CAPN3: variants seen among roughly 807,000 people sequenced by gnomAD.
CAPN3 encodes the protein calpain-3.
CAPN3 carries 88 observed loss-of-function variants against 114.0 expected under a neutral mutation model. The ratio of observed to expected loss-of-function variants is 0.77; its 90% CI spans 0.65 to 0.92. CAPN3 has a LOEUF of 0.92. Ranked by LOEUF, CAPN3 falls within the 40% of genes least tolerant of loss-of-function variation. The pLI, the probability that CAPN3 is intolerant of heterozygous loss-of-function variation, is 0.00. For missense variants in CAPN3, 1,028 were observed against 1,069.0 expected, an observed-to-expected ratio of 0.96 and a Z score of 0.53; for synonymous variants, 386 against 382.9, an observed-to-expected ratio of 1.01 and a Z score of -0.09.
intron 17 of CAPN3, 100 bp downstream of exon 17, chr15:42,409,480 C>T: frequency 8.3e-7 from 1 of 1,210,586 alleles, no homozygotes; most frequent in Non-Finnish European, 1.2e-6. Context: ...GTAGAGGTCA[C>T]TTTGGACTTT....
At chr15:42,408,082 T>C in intron 15 of CAPN3, 129 bp from the exon 16 acceptor site, 1 of 676,882 alleles carries the variant, frequency 1.5e-6, no homozygotes, top group Non-Finnish European at 2.7e-6. Flanking sequence ...TGAACCGAGG[T>C]TGAAGAGCTC....
At chr15:42,387,313 T>C (rs557945060) in intron 3 of CAPN3, among the ~76,000 whole-genome samples, 3 of 152,230 alleles carry the variant, frequency 2.0e-5, no homozygotes, top group Non-Finnish European at 4.4e-5. Context: ...TCAATCCTTG[T>C]TCTTCAGTTT....
At chr15:42,392,605 G>T in intron 6 of CAPN3, 34 bp from the exon 7 acceptor site, 1 of 1,541,956 alleles carries the variant, frequency 6.5e-7, no homozygotes, top group Non-Finnish European at 9.0e-7. Flanking sequence ...CTGTTCCCCC[G>T]CCCCTAATGG....
chr15:42,409,650 A>G (rs1276578603), intron 17 of CAPN3, 137 bp from the exon 18 acceptor site: 1 of 912,730 alleles, frequency 1.1e-6, no homozygotes, highest in African/African-American at 1.6e-5. Context: ...TTCCTCAGAA[A>G]AGCCCCAGCT....
chr15:42,371,542 T>A (rs1233689236), intron 1 of CAPN3, among the ~76,000 whole-genome samples: 1 of 152,250 alleles, frequency 6.6e-6, no homozygotes, highest in Non-Finnish European at 1.5e-5. Context: ...CTGATTTTTC[T>A]ACTGAGTTGT....
intron 1 of CAPN3, chr15:42,374,287 A>G (rs906946578): frequency 6.6e-6 from 1 of 152,534 alleles, no homozygotes; most frequent in African/African-American, 2.4e-5. Context: ...AGCATTCGCC[A>G]TGCCCTACCT....
At chr15:42,406,017 G>A in intron 15 of CAPN3, 74 bp downstream of exon 15, 1 of 1,307,120 alleles carries the variant, frequency 7.7e-7, no homozygotes, top group Non-Finnish European at 1.1e-6. Context: ...AAGTGTGCAT[G>A]TGTGAGCTCA....
intron 14 of CAPN3, chr15:42,404,429 T>G (rs1396958846): frequency 2.2e-6 from 1 of 456,464 alleles, no homozygotes; most frequent in Admixed American, 2.3e-5. Context: ...GATGGGGTTA[T>G]AATCCCTGGT....
chr15:42,393,365 G>A (rs767081512), intron 7 of CAPN3, among the ~76,000 whole-genome samples: 28 of 152,172 alleles, frequency 1.8e-4, no homozygotes, highest in Middle Eastern at 3.4e-3. Context: ...CCATGGATAC[G>A]AGAGGCTGAC....
intron 22 of CAPN3, 32 bp downstream of exon 22, chr15:42,411,032 T>C: frequency 6.7e-7 from 1 of 1,492,480 alleles, no homozygotes; most frequent in South Asian, 1.1e-5. Flanking sequence ...CCCTCTGCTC[T>C]CTTGCAGGGG....
chr15:42,377,884 G>C (rs1264097082), intron 1 of CAPN3, among the ~76,000 whole-genome samples: 1 of 152,174 alleles, frequency 6.6e-6, no homozygotes, highest in Non-Finnish European at 1.5e-5. Context: ...ATCCTCGAAT[G>C]AATTTTGGTA....
chr15:42,377,850 G>C (rs937572356), intron 1 of CAPN3, among the ~76,000 whole-genome samples: 3 of 152,088 alleles, frequency 2.0e-5, no homozygotes, highest in African/African-American at 7.2e-5. Flanking sequence ...TTCTTGATAG[G>C]TATAGTGCTA....
At chr15:42,384,231 G>A (rs1045708958) in intron 1 of CAPN3, among the ~76,000 whole-genome samples, 1 of 152,064 alleles carries the variant, frequency 6.6e-6, no homozygotes, top group East Asian at 1.9e-4. Flanking sequence ...GGCCAACATG[G>A]TGAAACCGTA....
chr15:42,403,216 A>G (rs2053925421), intron 13 of CAPN3, among the ~76,000 whole-genome samples: 1 of 152,230 alleles, frequency 6.6e-6, no homozygotes, highest in Non-Finnish European at 1.5e-5. Context: ...CACTAAGGAT[A>G]GAGTAGTGAA....
chr15:42,411,736 ACTT>A lies in CAPN3; in HGVS notation c.2440-7_2440-5del. On this transcript the variant is annotated splice_region_variant and splice_polypyrimidine_tract_variant and intron_variant, in intron 23 of 23. Coordinates refer to ENST00000397163, the MANE Select transcript of CAPN3 (RefSeq NM_000070.3). ...TTCTGATCTACATTCTGATCTTGGG[ACTT>A]CTTTCAGTGGCTGCAGCTCACCATG... 8.7e-7 allele frequency: 1 copy of A among 1,150,734 alleles called. No homozygotes were observed. The highest frequency in any genetic ancestry group is 1.3e-6 in the Non-Finnish European group (1 of 789,156). The allele number at this position is 1,150,734 out of a possible 1,614,324, so 71.3% of individuals were successfully genotyped here. A position where few individuals can be genotyped will look rare whatever the true frequency, so the allele number is the denominator to read the frequency against.
chr15:42,411,821 G>C lies in CAPN3; in HGVS notation c.*48G>C. ...CCATGCAGGATCACTCAGGATTTCA[G>C]TTTCACCCTCTATTTCCAAAGCCAT... On this transcript the variant is annotated 3_prime_UTR_variant, in exon 24 of 24. Coordinates refer to ENST00000397163, the MANE Select transcript of CAPN3 (RefSeq NM_000070.3). 1 of 1,613,342 alleles carries C rather than the reference G, an allele frequency of 6.2e-7. No individual in the cohort carries two copies. Among genetic ancestry groups the C allele is most frequent in the Non-Finnish European group, 8.5e-7 (1 of 1,179,852 alleles).
intron 14 of CAPN3, chr15:42,404,900 G>A (rs2053975575): frequency 9.7e-7 from 1 of 1,030,090 alleles, no homozygotes; most frequent in Middle Eastern, 4.8e-4. Context: ...GGTCATCGGT[G>A]TGCAGTATTG....
At chr15:42,394,088 C>A (rs1234956589) in intron 7 of CAPN3, among the ~76,000 whole-genome samples, 168 bp from the exon 8 acceptor site, 1 of 151,844 alleles carries the variant, frequency 6.6e-6, no homozygotes, top group Non-Finnish European at 1.5e-5. Context: ...TCTGACCCAC[C>A]CCCTGCCATT....
At chr15:42,404,723 C>T in intron 14 of CAPN3, 1 of 1,159,534 alleles carries the variant, frequency 8.6e-7, no homozygotes, top group Admixed American at 3.9e-5. Context: ...ATGACGTAGG[C>T]CAATGGGAGG....
Sources: gnomAD v4.1 joint callset for allele counts (sites outside exome capture counted in the v4.1 genomes callset) on GRCh38, gnomAD v4.1.1 for gene constraint, MANE v1.5 for transcripts, NCBI Gene and HGNC (gene_info 2026-07-23, HGNC 2026-07-21) for gene names.